The following NFATC1 variants were observed in gnomAD, a reference collection of about 807,000 sequenced individuals.
NFATC1 encodes the protein nuclear factor of activated T-cells, cytoplasmic 1.
Under a neutral mutation model 76.0 loss-of-function variants are expected in NFATC1, and 22 were observed. That is an observed-to-expected ratio of 0.29 (90% CI 0.21 to 0.41). NFATC1 has a LOEUF of 0.41. Ranked by LOEUF, NFATC1 falls within the 10% of genes least tolerant of loss-of-function variation. The pLI is 1.00. For missense variants in NFATC1, 1,357 were observed against 1,337.7 expected (o/e 1.01, Z -0.23); for synonymous variants, 704 against 613.1 (o/e 1.15, Z -2.19).
At chr18:79,435,554 C>T (rs988634589) in intron 3 of NFATC1, among the ~76,000 whole-genome samples, 5 of 151,976 alleles carry the variant, frequency 3.3e-5, no homozygotes, top group South Asian at 2.1e-4. Flanking sequence ...TGCCTGGTGC[C>T]GCCCGTCTCT....
At chr18:79,447,025 C>T (rs975952510) in intron 3 of NFATC1, among the ~76,000 whole-genome samples, 1 of 152,258 alleles carries the variant, frequency 6.6e-6, no homozygotes, top group Non-Finnish European at 1.5e-5. Context: ...CCCTCAGTGA[C>T]AGCAGCCGTC....
At chr18:79,503,232 C>T (rs554935019) in intron 9 of NFATC1, among the ~76,000 whole-genome samples, 39 of 152,198 alleles carry the variant, frequency 2.6e-4, no homozygotes, top group Non-Finnish European at 4.1e-4. Context: ...TCAGTGGCTC[C>T]CTTGCATGCA....
At chr18:79,443,242 G>A (rs1012541757) in intron 3 of NFATC1, among the ~76,000 whole-genome samples, 2 of 152,222 alleles carry the variant, frequency 1.3e-5, no homozygotes. Flanking sequence ...ACTCCGTGGT[G>A]TGAACTCAGT....
chr18:79,432,479 A>G (rs2086634786), intron 2 of NFATC1, among the ~76,000 whole-genome samples: 1 of 142,212 alleles, frequency 7.0e-6, no homozygotes, highest in African/African-American at 2.6e-5. Flanking sequence ...TGATCTGATG[A>G]GCAGTGCTGG....
intron 9 of NFATC1, among the ~76,000 whole-genome samples, chr18:79,522,194 GT>G (rs55977187): frequency 0.014 from 1,006 of 72,494 alleles, 35 homozygotes; most frequent in Non-Finnish European, 0.02. Context: ...TTTTGTGTGT[GT>G]GGGGGGGGGT....
chr18:79,421,011 A>G (rs1012219802), intron 2 of NFATC1: 13 of 152,312 alleles, frequency 8.5e-5, no homozygotes, highest in African/African-American at 2.7e-4. Flanking sequence ...GCGTGGAGTC[A>G]TATTCCAGGA....
intron 3 of NFATC1, among the ~76,000 whole-genome samples, chr18:79,442,844 AGACAGCTCCCCACTCCCACCCG>A (rs1194551309): frequency 4.2e-4 from 64 of 151,916 alleles, no homozygotes; most frequent in East Asian, 2.5e-3. Flanking sequence ...ACTCCCACCC[AGACAGCTCCCCACTCCCACCCG>A]GACAGCTCCC....
rs2090704976 is a variant in NFATC1 at position 79,524,682 on chromosome 18, C to T, written c.2783-2846C>T. Among the ~76,000 whole-genome samples, 1 of 152,082 alleles carries T rather than the reference C, an allele frequency of 6.6e-6. No individual in the cohort carries two copies. The highest frequency in any genetic ancestry group is 2.4e-5 in the African/African-American group (1 of 41,398). Reference sequence around the variant, plus strand: ...TCCCCTCCCGAGAGCTCAGCAGCCGCAGACCCAGGCAGAGAGAGCAAAGGA... The same window carrying T: ...TCCCCTCCCGAGAGCTCAGCAGCCGTAGACCCAGGCAGAGAGAGCAAAGGA... On this transcript the variant is annotated intron_variant, in intron 9 of 9. Coordinates refer to ENST00000427363, the MANE Select transcript of NFATC1 (RefSeq NM_001278669.2). This position sits in a 1 kb window ranked among gnomAD's most constrained non-coding sequence, Gnocchi z 7.2.
At chr18:79,425,212 T>TCTCTGTTTCTCTCC (rs1568944835) in intron 2 of NFATC1, among the ~76,000 whole-genome samples, 2 of 152,312 alleles carry the variant, frequency 1.3e-5, no homozygotes, top group Non-Finnish European at 2.9e-5. Context: ...TCTCCCTGTC[T>TCTCTGTTTCTCTCC]CTGTCTCTCT....
intron 3 of NFATC1, among the ~76,000 whole-genome samples, chr18:79,437,190 C>T (rs1056592848): frequency 2.6e-5 from 4 of 152,128 alleles, no homozygotes; most frequent in African/African-American, 9.7e-5. Context: ...GTGGGGCCTG[C>T]GGGTAAGGAC....
rs1209749777 is a variant in NFATC1 at position 79,410,729 on chromosome 18, C to G, written c.454C>G (p.Pro152Ala). The G allele has an allele frequency of 2.5e-6, 4 of 1,613,084 alleles. No homozygotes were observed. Among genetic ancestry groups the G allele is most frequent in the Non-Finnish European group, 3.4e-6 (4 of 1,180,008 alleles). Residue 152 changes from proline to alanine, a missense_variant, in exon 2 of 10, where the codon CCC becomes GCC. Physicochemically the swap from Pro to Ala is conservative, Grantham distance 27. This residue lies in a region of NFATC1 where 691 missense variants were observed against 613.1 expected (regional missense o/e 1.13). Transcript: ENST00000427363. The surrounding 1 kb of genome is among the most constrained non-coding windows in gnomAD (Gnocchi z 6.7). ...CGTCCTCCCTAGCTCCAAACGGTCC[C>G]CCTCCACGGCCACGCTGAGTCTGCC... ...EDVLPSSKRSPSTATLSLPSL... is the reference protein window; with the variant it reads ...EDVLPSSKRSASTATLSLPSL...
At chr18:79,428,134 TGTGCG>T (rs1225850372) in intron 2 of NFATC1, among the ~76,000 whole-genome samples, 2 of 151,622 alleles carry the variant, frequency 1.3e-5, no homozygotes, top group Non-Finnish European at 2.9e-5. Context: ...GTCTGGCTTC[TGTGCG>T]GTGCGGGGGC....
chr18:79,409,604 C>T (rs1291798885), intron 1 of NFATC1, among the ~76,000 whole-genome samples: 1 of 152,196 alleles, frequency 6.6e-6, no homozygotes, highest in Non-Finnish European at 1.5e-5. Context: ...CATCACCATC[C>T]ATCTACCTAC....
At chr18:79,427,429 TGGGGGGGAG>T (rs2086392552) in intron 2 of NFATC1, among the ~76,000 whole-genome samples, 1 of 16,592 alleles carries the variant, frequency 6.0e-5, no homozygotes, top group Non-Finnish European at 1.1e-4. Context: ...GTGCGGTGGG[TGGGGGGGAG>T]CTGGACGGCT....
In NFATC1 at chr18:79,459,332, G is replaced by A. The variant is rs531973709; in HGVS notation, c.1904-1979G>A. On this transcript the variant is annotated intron_variant, in intron 6 of 9. Coordinates refer to ENST00000427363, the MANE Select transcript of NFATC1 (RefSeq NM_001278669.2). ...TGGGAAAAGACGCCTCCATGCCGTC[G>A]TTCCATTTGCTTTTCATGGACTCAC... Among the ~76,000 whole-genome samples, 22 of 152,316 alleles carry A rather than the reference G, an allele frequency of 1.4e-4. No individual in the cohort carries two copies. The South Asian group carries it at 2.1e-3, about 14-fold the overall frequency.
In NFATC1 at chr18:79,478,268, A is replaced by G. The variant is rs114174009; in HGVS notation, c.2093-7980A>G. 7.0e-3 allele frequency among the ~76,000 whole-genome samples: 1,063 copies of G among 152,014 alleles called. 13 individuals carry two copies. Among genetic ancestry groups the G allele is most frequent in the African/African-American group, 0.023 (963 of 41,454 alleles). ...TGCTCATGCCGATTTTTATTCTCAG[A>G]TCTTGTCACCTCTGTCTTGTAGCAG... is the stretch of plus-strand genomic sequence containing the variant. On this transcript the variant is annotated intron_variant, in intron 8 of 9. Coordinates refer to ENST00000427363, the MANE Select transcript of NFATC1 (RefSeq NM_001278669.2).
intron 2 of NFATC1, among the ~76,000 whole-genome samples, chr18:79,424,879 CTCTT>C (rs2086243600): frequency 7.2e-6 from 1 of 139,542 alleles, no homozygotes; most frequent in African/African-American, 2.5e-5. Flanking sequence ...CCATCTCTGT[CTCTT>C]TCTCCATCTC....
chr18:79,401,350 C>T (rs996855435), intron 1 of NFATC1, among the ~76,000 whole-genome samples: 2 of 150,244 alleles, frequency 1.3e-5, no homozygotes, highest in Non-Finnish European at 2.9e-5. Flanking sequence ...TCGTTCACTA[C>T]TCTCTTTTAA....
chr18:79,502,586 G>A (rs182964437), intron 9 of NFATC1, among the ~76,000 whole-genome samples: 1 of 152,178 alleles, frequency 6.6e-6, no homozygotes, highest in East Asian at 1.9e-4. Flanking sequence ...TCTGATAAAG[G>A]GCTTATATCC....
Sources: gnomAD v4.1 joint callset for allele counts (sites outside exome capture counted in the v4.1 genomes callset) on GRCh38, gnomAD v4.1.1 for gene constraint, gnomAD v4.1.1 regional missense constraint, Gnocchi (gnomAD v3.1) non-coding constraint, MANE v1.5 for transcripts, NCBI Gene and HGNC (gene_info 2026-07-23, HGNC 2026-07-21) for gene names.